Variants in AK5 observed in about 807,000 individuals in gnomAD.
AK5 encodes the protein adenylate kinase 5, also known as adenylate kinase isoenzyme 5.
In AK5, 27 loss-of-function variants were observed where a neutral mutation model predicts 69.5. The observed-to-expected ratio is 0.39, with a 90% CI of 0.29 to 0.54. The LOEUF (loss-of-function observed/expected upper bound fraction) is 0.54, where lower values mean the gene tolerates loss of function less well. AK5 is among the 20% of genes least tolerant of loss of function. The probability of loss-of-function intolerance (pLI) is 0.71; values close to 1 mark genes in which losing one functional copy is unlikely to be tolerated. For synonymous variants in AK5, 260 were observed against 244.4 expected (o/e 1.06, Z -0.60); for missense variants, 531 against 700.4 (o/e 0.76, Z 2.73).
At chr1:77,322,337 G>T (rs896242918) in intron 5 of AK5, among the ~76,000 whole-genome samples, 3 of 151,254 alleles carry the variant, frequency 2.0e-5, no homozygotes, top group Non-Finnish European at 4.4e-5. Flanking sequence ...TTTAACTAAT[G>T]GTCTCCATGA....
chr1:77,470,395 C>T (rs1350418135), intron 8 of AK5, among the ~76,000 whole-genome samples: 3 of 152,130 alleles, frequency 2.0e-5, no homozygotes, highest in African/African-American at 7.2e-5. Context: ...ATCCCAGCTA[C>T]TCGGATGGCT....
At chr1:77,405,584 G>A (rs1649563157) in intron 6 of AK5, among the ~76,000 whole-genome samples, 2 of 149,998 alleles carry the variant, frequency 1.3e-5, no homozygotes. Context: ...ACTTACAGAG[G>A]TGCTGGCTCT....
rs547547777 is a variant in AK5, at chr1:77,413,095, A to C, written c.982+2024A>C. ...TGACTCCTGCAGGCTGGCCACGAGTACCCTTAGCACAGAAGAAAGCCCCAA... is the reference window on the plus strand; with the variant it reads ...TGACTCCTGCAGGCTGGCCACGAGTCCCCTTAGCACAGAAGAAAGCCCCAA... On this transcript the variant is annotated intron_variant, in intron 7 of 13. Coordinates refer to ENST00000354567, the MANE Select transcript of AK5 (RefSeq NM_174858.3). 4.6e-5 allele frequency among the ~76,000 whole-genome samples: 7 copies of C among 152,046 alleles called. No individual in the cohort carries two copies. In the South Asian group the frequency reaches 1.2e-3, roughly 27 times the overall value.
chr1:77,501,842 C>T (rs1656740193), intron 10 of AK5, among the ~76,000 whole-genome samples: 2 of 152,164 alleles, frequency 1.3e-5, no homozygotes, highest in African/African-American at 4.8e-5. Flanking sequence ...AAATATCAGC[C>T]CCAGCACTGC....
intron 6 of AK5, among the ~76,000 whole-genome samples, chr1:77,379,735 CAA>C (rs1374582354): frequency 3.9e-5 from 6 of 152,158 alleles, no homozygotes; most frequent in South Asian, 2.1e-4. Flanking sequence ...GGAACAGAAA[CAA>C]GAGAGATTAT....
At chr1:77,487,855 C>A (rs1019365898) in intron 10 of AK5, among the ~76,000 whole-genome samples, 1 of 152,132 alleles carries the variant, frequency 6.6e-6, no homozygotes, top group Non-Finnish European at 1.5e-5. Context: ...GACTGTTGGA[C>A]CCCTGCTGGG....
At chr1:77,492,305 T>C (rs1656050228) in intron 10 of AK5, among the ~76,000 whole-genome samples, 1 of 152,244 alleles carries the variant, frequency 6.6e-6, no homozygotes, top group Non-Finnish European at 1.5e-5. Context: ...TCTCTGTTTT[T>C]TACTGTGAGT....
chr1:77,398,678 A>G (rs925794281), intron 6 of AK5, among the ~76,000 whole-genome samples: 1 of 152,220 alleles, frequency 6.6e-6, no homozygotes, highest in Non-Finnish European at 1.5e-5. Context: ...TAAAACGAGC[A>G]TATCATTTTT....
chr1:77,445,059 A>G (rs1372189104), intron 8 of AK5, among the ~76,000 whole-genome samples: 1 of 152,084 alleles, frequency 6.6e-6, no homozygotes, highest in East Asian at 1.9e-4. Flanking sequence ...GATTGTTTCC[A>G]TATCTTGGCT....
chr1:77,455,772 C>T (rs946349215), intron 8 of AK5, among the ~76,000 whole-genome samples: 1 of 152,140 alleles, frequency 6.6e-6, no homozygotes, highest in Non-Finnish European at 1.5e-5. Flanking sequence ...TCCCCACGTT[C>T]ACGCCCCACC....
At chr1:77,487,773 C>T (rs1487747382) in intron 10 of AK5, among the ~76,000 whole-genome samples, 1 of 152,188 alleles carries the variant, frequency 6.6e-6, no homozygotes, top group Admixed American at 6.5e-5. Context: ...CCTCCTCTGC[C>T]ACTCAGTTGT....
At position 77,533,509 on chromosome 1, in the gene AK5, C is replaced by CAAAAAAAAAAAA. The variant is rs10526328; in HGVS notation, c.1429-2323_1429-2312dup. On this transcript the variant is annotated intron_variant, in intron 12 of 13. Transcript: ENST00000354567. Reference sequence around the variant, plus strand: ...AGGCTGCAGAGCAAGACTCTGTCACCAAAAAAAAAAAAAAAAAAAAAAAAA... The same window carrying CAAAAAAAAAAAA: ...AGGCTGCAGAGCAAGACTCTGTCACCAAAAAAAAAAAAAAAAAAAAAAAAAAAAAAAAAAAAA... 7.4e-5 allele frequency among the ~76,000 whole-genome samples: 7 copies of CAAAAAAAAAAAA among 94,940 alleles called. 1 individual carries two copies. Among genetic ancestry groups the CAAAAAAAAAAAA allele is most frequent in the African/African-American group, 3.5e-4 (7 of 20,086 alleles). The allele number at this position is 94,940 out of a possible 152,430, so 62.3% of individuals were successfully genotyped here.
chr1:77,480,511 G>A (rs1408727647), intron 8 of AK5, among the ~76,000 whole-genome samples: 4 of 152,118 alleles, frequency 2.6e-5, no homozygotes, highest in Admixed American at 6.5e-5. Context: ...CATTAACCAC[G>A]ATCAGACTCC....
intron 6 of AK5, among the ~76,000 whole-genome samples, chr1:77,379,857 T>A (rs563708509): frequency 2.6e-5 from 4 of 152,306 alleles, no homozygotes; most frequent in Admixed American, 2.6e-4. Flanking sequence ...CGTATCTGGG[T>A]CAGTATTTAA....
chr1:77,413,309 T>C (rs142671767), intron 7 of AK5, among the ~76,000 whole-genome samples: 1,779 of 152,188 alleles, frequency 0.012, 13 homozygotes, highest in Non-Finnish European at 0.017. Context: ...CCCAACCCCA[T>C]AGAGCCCCAT....
chr1:77,539,465 C>T (rs1570335766), intron 13 of AK5, among the ~76,000 whole-genome samples: 1 of 152,350 alleles, frequency 6.6e-6, no homozygotes, highest in Middle Eastern at 3.4e-3. Flanking sequence ...GCTGCTTCAT[C>T]CCACTGCCCC....
chr1:77,350,559 G>C (rs1481170947), intron 6 of AK5, among the ~76,000 whole-genome samples: 1 of 152,196 alleles, frequency 6.6e-6, no homozygotes, highest in Non-Finnish European at 1.5e-5. Context: ...GAAGCATCTG[G>C]AAGAGGCGTG....
chr1:77,446,368 A>T (rs2647507), intron 8 of AK5, among the ~76,000 whole-genome samples: 150,363 of 152,354 alleles, frequency 0.99, 74,230 homozygotes, highest in Middle Eastern at 1. Flanking sequence ...GTGTGATGCC[A>T]CCAACTTTGT....
rs111909053 is a variant in AK5, at chr1:77,294,868, A to G, written c.415+908A>G. ...CATAGTGAGACCCTGTCTCTACAAA[A>G]AATTTTTAAAATTAGCTGGGCGTGG... On this transcript the variant is annotated intron_variant, in intron 3 of 13. Coordinates refer to ENST00000354567, the MANE Select transcript of AK5 (RefSeq NM_174858.3). 6.3e-3 allele frequency among the ~76,000 whole-genome samples: 958 copies of G among 152,232 alleles called. 11 individuals are homozygous for G. Among genetic ancestry groups the G allele is most frequent in the African/African-American group, 0.021 (893 of 41,538 alleles).
Sources: allele counts gnomAD v4.1 joint callset (sites outside exome capture counted in the v4.1 genomes callset), GRCh38; gene constraint gnomAD v4.1.1; transcripts MANE v1.5; gene names NCBI Gene and HGNC (gene_info 2026-07-23, HGNC 2026-07-21).